The following OR2M2 variants were observed in gnomAD, a reference collection of about 807,000 sequenced individuals.
OR2M2 encodes the protein olfactory receptor 2M2.
For synonymous variants in OR2M2, 168 were observed against 151.7 expected (o/e 1.11, Z -0.79); for missense variants, 467 against 429.9 (o/e 1.09, Z -0.76).
rs778024720 is a variant in OR2M2 at position 248,180,473 on chromosome 1, C to T, written c.488C>T (p.Thr163Ile). The change falls in exon 2 of 2, where the codon ACA (threonine) becomes ATA (isoleucine). Residue 163 changes from threonine (T) to isoleucine (I), a missense_variant. By Grantham distance (89) the Thr-to-Ile change is moderately conservative. Coordinates refer to ENST00000641836, the MANE Select transcript of OR2M2 (RefSeq NM_001004688.2). ...GATGGAATCATTGATGCTGTAGCCACATTTTCCTTCTCCTTTTGTGGGTCT... is the reference window on the plus strand; with the variant it reads ...GATGGAATCATTGATGCTGTAGCCATATTTTCCTTCTCCTTTTGTGGGTCT... ...STDGIIDAVA[T>I]FSFSFCGSRE... is the part of the protein sequence containing the mutation. 2.5e-6 allele frequency: 4 copies of T among 1,613,952 alleles called. No individual in the cohort carries two copies. The East Asian group carries it at 8.9e-5, about 36-fold the overall frequency.
chr1:248,179,029 T>G (rs535116209), intron 1 of OR2M2, among the ~76,000 whole-genome samples: 14 of 152,192 alleles, frequency 9.2e-5, no homozygotes, highest in Admixed American at 3.9e-4. Flanking sequence ...TTCAGAAATC[T>G]GAAATCAAGA....
In OR2M2 at chr1:248,180,774, A is replaced by T; in HGVS notation, c.789A>T (p.Thr263=). The T allele has an allele frequency of 6.2e-7, 1 of 1,613,896 alleles. No individual in the cohort carries two copies. Among genetic ancestry groups the T allele is most frequent in the South Asian group, 1.1e-5 (1 of 91,068 alleles). ...CTTTGTTCATGTACATACGGCCCAC[A>T]TCTGATCACTCCCCAACGCAGGACA... ...GAALFMYIRP[T]SDHSPTQDKM... The change falls in exon 2 of 2, where the codon ACA becomes ACT. Residue 263 remains threonine (T), a synonymous_variant. Coordinates refer to ENST00000641836, the MANE Select transcript of OR2M2 (RefSeq NM_001004688.2).
At position 248,178,836 on chromosome 1, in the gene OR2M2, T is replaced by C. The variant is rs961107221; in HGVS notation, c.-18-1132T>C. On this transcript the variant is annotated intron_variant, in intron 1 of 1. Coordinates refer to ENST00000641836, the MANE Select transcript of OR2M2 (RefSeq NM_001004688.2). ...ACTGTGGTAGCCACAGTGGTCAACA[T>C]ATAGCCAGACTTCACAAGTGTTGTT... is the stretch of plus-strand genomic sequence containing the variant. Among the ~76,000 whole-genome samples the C allele has an allele frequency of 1.1e-4, 17 of 152,242 alleles. 1 individual carries two copies. Among genetic ancestry groups the C allele is most frequent in the African/African-American group, 3.4e-4 (14 of 41,456 alleles).
At chr1:248,179,462 A>G (rs866450613) in intron 1 of OR2M2, among the ~76,000 whole-genome samples, 5 of 152,144 alleles carry the variant, frequency 3.3e-5, no homozygotes, top group South Asian at 2.1e-4. Context: ...AGCTTACTAT[A>G]AAGTGTAGAT....
Position 248,180,930 on chromosome 1 carries a change from TC to T in OR2M2, c.946del (p.His316IlefsTer14). Reference protein sequence around the residue: ...GKGKSESELPHKLYVLLFAKF... With the variant: ...GKGKSESELPXKLYVLLFAKF... ...AGGGCAAGTCTGAGAGTGAGTTACC[TC>T]ATAAACTTTATGTTTTGCTGTTTGC... On this transcript the variant is annotated frameshift_variant, in exon 2 of 2. Transcript: ENST00000641836. LOFTEE classifies it low-confidence loss of function (END_TRUNC). 6.2e-7 allele frequency: 1 copy of T among 1,614,038 alleles called. No individual in the cohort carries two copies.
chr1:248,179,898 C>T (rs1665904431), intron 1 of OR2M2, 70 bp from the exon 2 acceptor site: 29 of 1,455,394 alleles, frequency 2.0e-5, no homozygotes, highest in Non-Finnish European at 2.5e-5. Context: ...CAGAATTTAC[C>T]AAAATCACAC....
intron 1 of OR2M2, among the ~76,000 whole-genome samples, chr1:248,178,862 T>C (rs1453675291): frequency 6.6e-6 from 1 of 152,334 alleles, no homozygotes; most frequent in East Asian, 1.9e-4. Flanking sequence ...AAGTGTTGTT[T>C]GAAAGGGTGG....
In OR2M2 at chr1:248,181,002, A is replaced by C. The variant is rs779330011; in HGVS notation, c.1017A>C (p.Ile339=). The C allele has an allele frequency of 1.2e-6, 2 of 1,610,228 alleles. No homozygotes were observed. Among genetic ancestry groups the C allele is most frequent in the Admixed American group, 3.3e-5 (2 of 59,908 alleles). ...CCATCTTTTTCTATGATGTCAAAATACTAGCATTGATTATGTACATTGCCT... is the reference window on the plus strand; with the variant it reads ...CCATCTTTTTCTATGATGTCAAAATCCTAGCATTGATTATGTACATTGCCT... ...LISIFFYDVK[I]LALIMYIA is the part of the protein sequence containing the mutation. Residue 339 remains isoleucine (I), a synonymous_variant, in exon 2 of 2, where the codon ATA becomes ATC. Transcript: ENST00000641836.
rs148878003 is a variant in OR2M2 at position 248,180,075 on chromosome 1, G to T, written c.90G>T (p.Leu30=). Residue 30 remains leucine, a synonymous_variant, in exon 2 of 2, where the codon CTG becomes CTT. Coordinates refer to ENST00000641836, the MANE Select transcript of OR2M2 (RefSeq NM_001004688.2). The part of the protein sequence containing the change: ...HSPPHTFLFF[L]VLGIFLVAFM... ...CACCACACACGTTCCTCTTCTTTCT[G>T]GTCCTGGGCATCTTTTTAGTGGCCT... The T allele has an allele frequency of 1.3e-5, 21 of 1,613,970 alleles. No homozygotes were observed. The African/African-American group carries it at 2.5e-4, about 19-fold the overall frequency.
chr1:248,175,098 C>T (rs1266660389), intron 1 of OR2M2, among the ~76,000 whole-genome samples: 1 of 152,046 alleles, frequency 6.6e-6, no homozygotes, highest in Non-Finnish European at 1.5e-5. Context: ...GGATAAAATC[C>T]ATTATTTTTG....
intron 1 of OR2M2, among the ~76,000 whole-genome samples, chr1:248,176,158 A>G (rs1390682846): frequency 6.6e-6 from 1 of 152,106 alleles, no homozygotes; most frequent in African/African-American, 2.4e-5. Context: ...ATTTCACATA[A>G]TGCTTTACAT....
intron 1 of OR2M2, among the ~76,000 whole-genome samples, chr1:248,177,689 C>A (rs1352362934): frequency 6.6e-6 from 1 of 152,038 alleles, no homozygotes; most frequent in African/African-American, 2.4e-5. Context: ...TAACAGACTA[C>A]CTCCTTTGAG....
intron 1 of OR2M2, among the ~76,000 whole-genome samples, chr1:248,177,542 G>C (rs1020813473): frequency 6.6e-6 from 1 of 152,078 alleles, no homozygotes; most frequent in Non-Finnish European, 1.5e-5. Context: ...CAAGATAACT[G>C]GGAAAGCTAT....
chr1:248,179,166 G>A (rs6673249), intron 1 of OR2M2, among the ~76,000 whole-genome samples: 5,053 of 152,084 alleles, frequency 0.033, 285 homozygotes, highest in African/African-American at 0.12. Flanking sequence ...CACTCCAGTC[G>A]CTGCCTCCCC....
chr1:248,177,301 G>T (rs1020782196), intron 1 of OR2M2, among the ~76,000 whole-genome samples: 1 of 152,054 alleles, frequency 6.6e-6, no homozygotes, highest in Non-Finnish European at 1.5e-5. Context: ...CTAAAAGGTA[G>T]AATAGAATTA....
chr1:248,179,841 C>A (rs1241898377), intron 1 of OR2M2, 127 bp from the exon 2 acceptor site: 2 of 800,272 alleles, frequency 2.5e-6, no homozygotes, highest in Non-Finnish European at 4.0e-6. Context: ...TACTTCTTGA[C>A]CTTTTAGTTT....
intron 1 of OR2M2, among the ~76,000 whole-genome samples, chr1:248,178,375 T>A (rs1665878932): frequency 6.6e-6 from 1 of 152,178 alleles, no homozygotes; most frequent in Admixed American, 6.5e-5. Context: ...CATAATAATC[T>A]CCCTTCACAC....
At chr1:248,177,142 A>C (rs550098354) in intron 1 of OR2M2, among the ~76,000 whole-genome samples, 2 of 152,204 alleles carry the variant, frequency 1.3e-5, no homozygotes, top group East Asian at 3.9e-4. Flanking sequence ...GACAAAATAC[A>C]AGACAAATAA....
Position 248,179,975 on chromosome 1 carries a change from G to A in OR2M2, c.-11G>A. The A allele has an allele frequency of 6.2e-7, 1 of 1,602,462 alleles. No homozygotes were observed. The highest frequency in any genetic ancestry group is 8.5e-7 in the Non-Finnish European group (1 of 1,174,006). ...ATGGTTTTGTGGTACTAGGTAAAAA[G>A]CACATTCATCATGGCATGGGAGAAT... On this transcript the variant is annotated 5_prime_UTR_variant, in exon 2 of 2. Coordinates refer to ENST00000641836, the MANE Select transcript of OR2M2 (RefSeq NM_001004688.2).
Sources: gnomAD v4.1 joint callset for allele counts (sites outside exome capture counted in the v4.1 genomes callset) on GRCh38, gnomAD v4.1.1 for gene constraint, MANE v1.5 for transcripts, NCBI Gene and HGNC (gene_info 2026-07-23, HGNC 2026-07-21) for gene names.